KPNA2: variants seen among roughly 807,000 people sequenced by gnomAD.
KPNA2 encodes the protein importin subunit alpha-1.
In KPNA2, 20 loss-of-function variants were observed where a neutral mutation model predicts 53.7. The observed-to-expected ratio is 0.37, with a 90% confidence interval of 0.26 to 0.54. The LOEUF is 0.54. Ranked by LOEUF, KPNA2 falls within the 20% of genes least tolerant of loss-of-function variation. KPNA2 has a pLI of 0.83. For synonymous variants in KPNA2, 238 were observed against 227.5 expected (o/e 1.05, Z -0.42); for missense variants, 515 against 640.3 (o/e 0.80, Z 2.11).
chr17:68,038,046 C>T (rs1207226727), intron 3 of KPNA2, among the ~76,000 whole-genome samples: 5 of 152,016 alleles, frequency 3.3e-5, no homozygotes, highest in African/African-American at 9.7e-5. Flanking sequence ...GTGCGATCTC[C>T]GCTCACTGCA....
In KPNA2 at chr17:68,035,830, C is replaced by T. The variant is rs1187956979; in HGVS notation, c.-34C>T. Reference sequence around the variant, plus strand: ...CATCGCCTCCCGTGGAAGCCCAGGCCCGCTTCGCAGGTACAGACTCAGGCG... The same window carrying T: ...CATCGCCTCCCGTGGAAGCCCAGGCTCGCTTCGCAGGTACAGACTCAGGCG... On this transcript the variant is annotated 5_prime_UTR_variant, in exon 1 of 11. Transcript: ENST00000330459. 2 of 152,954 alleles carry T rather than the reference C, an allele frequency of 1.3e-5. No homozygotes were observed. The highest frequency in any genetic ancestry group is 2.4e-5 in the African/African-American group (1 of 41,472). 9.5% of individuals were successfully genotyped at this position (152,954 alleles called of 1,614,324 possible).
At chr17:68,036,330 C>T (rs2071189597) in intron 1 of KPNA2, 2 of 152,234 alleles carry the variant, frequency 1.3e-5, no homozygotes, top group African/African-American at 4.8e-5. Flanking sequence ...CTGAATGACG[C>T]ACAGCTGATG....
chr17:68,037,343 T>G lies in KPNA2; in HGVS notation c.76-15T>G, dbSNP rs2071202486. ...CTGGTGTGATAGGTGAAACGGCATG[T>G]TATCTTTTCTCAAGGAAATGAGGCG... On this transcript the variant is annotated splice_polypyrimidine_tract_variant and intron_variant, in intron 2 of 10. Coordinates refer to ENST00000330459, the MANE Select transcript of KPNA2 (RefSeq NM_002266.4). 13 of 1,608,692 alleles carry G rather than the reference T, an allele frequency of 8.1e-6. No homozygotes were observed. The highest frequency in any genetic ancestry group is 1.0e-5 in the Non-Finnish European group (12 of 1,178,224).
Position 68,044,129 on chromosome 17 carries a change from T to C in KPNA2, c.1164+58T>C, listed in dbSNP as rs1369090911. ...TTTAGTATTTATAGAAAGCTGTGCT[T>C]GATAAGCTTCTTCACGTGCAAGAAT... On this transcript the variant is annotated intron_variant, in intron 8 of 10. Coordinates refer to ENST00000330459, the MANE Select transcript of KPNA2 (RefSeq NM_002266.4). The C allele has an allele frequency of 2.1e-6, 3 of 1,448,944 alleles. No homozygotes were observed. In the East Asian group the frequency reaches 6.8e-5, roughly 33 times the overall value. 89.8% of individuals were successfully genotyped at this position (1,448,944 alleles called of 1,614,324 possible). A position where few individuals can be genotyped will look rare whatever the true frequency, so the allele number is the denominator to read the frequency against.
At chr17:68,040,789 T>C in intron 4 of KPNA2, 23 bp downstream of exon 4, 1 of 1,462,164 alleles carries the variant, frequency 6.8e-7, no homozygotes, top group Non-Finnish European at 9.4e-7. Context: ...TGCGATAGCA[T>C]GGGTAGCCTA....
rs190162269 is a variant in KPNA2, at chr17:68,037,594, C to T, written c.213+99C>T. The T allele has an allele frequency of 2.3e-4, 266 of 1,143,024 alleles. No individual in the cohort carries two copies. The African/African-American group carries it at 3.7e-3, about 16-fold the overall frequency. 70.8% of individuals were successfully genotyped at this position (1,143,024 alleles called of 1,614,324 possible). On this transcript the variant is annotated intron_variant, in intron 3 of 10. Coordinates refer to ENST00000330459, the MANE Select transcript of KPNA2 (RefSeq NM_002266.4). The stretch of plus-strand genomic sequence containing the variant: ...GTAAACTTAACATTTCTAGTCTTAA[C>T]GGTTTTAACTATCTGTGAACATCTT...
rs782745109 is a variant in KPNA2 at position 68,040,754 on chromosome 17, C to T, written c.290C>T (p.Thr97Ile). The change falls in exon 4 of 11, where the codon ACT becomes ATT. Residue 97 changes from threonine to isoleucine, a missense_variant. Coordinates refer to ENST00000330459, the MANE Select transcript of KPNA2 (RefSeq NM_002266.4). Reference protein sequence around the residue: ...SSNVENQLQATQAARKLLSRE... With the variant: ...SSNVENQLQAIQAARKLLSRE... The stretch of plus-strand genomic sequence containing the variant: ...AATGTGGAAAATCAGCTCCAAGCTA[C>T]TCAAGCTGCCAGGTAAGTCTTGTCT... The T allele has an allele frequency of 6.8e-6, 11 of 1,610,504 alleles. No individual in the cohort carries two copies. The Admixed American group carries it at 1.5e-4, about 22-fold the overall frequency.
At chr17:68,038,300 G>T (rs1441648610) in intron 3 of KPNA2, among the ~76,000 whole-genome samples, 1 of 152,128 alleles carries the variant, frequency 6.6e-6, no homozygotes, top group Non-Finnish European at 1.5e-5. Context: ...TAGAGGCGGG[G>T]TTTCACCATG....
At chr17:68,037,757 G>C (rs1555703983) in intron 3 of KPNA2, among the ~76,000 whole-genome samples, 4 of 151,578 alleles carry the variant, frequency 2.6e-5, no homozygotes, top group East Asian at 1.9e-4. Flanking sequence ...ACCTTGGCCT[G>C]ACCAGTGTGT....
chr17:68,045,893 G>A lies in KPNA2; in HGVS notation c.1469G>A (p.Ser490Asn), dbSNP rs782679009. ...ENESVYKASL[S>N]LIEKYFSVEE... Reference sequence around the variant, plus strand: ...GAGTCTGTGTATAAGGCTTCGTTAAGCTTAATTGAGAAGTATTTCTCTGTA... The same window carrying A: ...GAGTCTGTGTATAAGGCTTCGTTAAACTTAATTGAGAAGTATTTCTCTGTA... The change falls in exon 10 of 11, where the codon AGC becomes AAC. Residue 490 changes from serine to asparagine, a missense_variant. Physicochemically the swap from Ser to Asn is conservative, Grantham distance 46. Coordinates refer to ENST00000330459, the MANE Select transcript of KPNA2 (RefSeq NM_002266.4). 22 of 1,591,666 alleles carry A rather than the reference G, an allele frequency of 1.4e-5. No individual in the cohort carries two copies. In the Admixed American group the frequency reaches 1.6e-4, roughly 11 times the overall value.
rs377201326 is a variant in KPNA2, at chr17:68,044,311, T to C, written c.1165-10T>C. On this transcript the variant is annotated splice_polypyrimidine_tract_variant and intron_variant, in intron 8 of 10. Transcript: ENST00000330459. ...GTTCTGAAATAAAACCATTTCCTTA[T>C]GTTTAATAGGCAGATTTTAAGACAC... The C allele has an allele frequency of 1.6e-5, 25 of 1,602,192 alleles. No individual in the cohort carries two copies. The highest frequency in any genetic ancestry group is 5.4e-5 in the African/African-American group (4 of 74,302).
rs150762201 is a variant in KPNA2, at chr17:68,039,804, A to T, written c.214-874A>T. 4.7e-3 allele frequency among the ~76,000 whole-genome samples: 658 copies of T among 139,502 alleles called. 5 individuals are homozygous for T. The highest frequency in any genetic ancestry group is 0.017 in the African/African-American group (619 of 36,808). 91.5% of individuals were successfully genotyped at this position (139,502 alleles called of 152,430 possible). A position where few individuals can be genotyped will look rare whatever the true frequency, so the allele number is the denominator to read the frequency against. ...TCCAAAAAAAAAAGTCGGGCATGGT[A>T]GCTCATGCCTGTAATTCCAGCACTT... On this transcript the variant is annotated intron_variant, in intron 3 of 10. Coordinates refer to ENST00000330459, the MANE Select transcript of KPNA2 (RefSeq NM_002266.4).
intron 10 of KPNA2, 147 bp from the exon 11 acceptor site, chr17:68,046,357 C>T (rs1344459892): frequency 9.5e-6 from 5 of 527,684 alleles, no homozygotes; most frequent in African/African-American, 2.0e-5. Context: ...AGAGACCCTC[C>T]CTCCTCTATG....
At chr17:68,040,916 A>G (rs1313099652) in intron 4 of KPNA2, 150 bp downstream of exon 4, 11 of 555,204 alleles carry the variant, frequency 2.0e-5, no homozygotes, top group Non-Finnish European at 3.5e-5. Flanking sequence ...TTATTTATTA[A>G]TTTTTTTGAG....
chr17:68,039,424 C>T (rs1252456133), intron 3 of KPNA2, among the ~76,000 whole-genome samples: 1 of 151,652 alleles, frequency 6.6e-6, no homozygotes, highest in African/African-American at 2.4e-5. Flanking sequence ...CCCAGCCAAA[C>T]ATAAACCATT....
chr17:68,044,081 T>A lies in KPNA2; in HGVS notation c.1164+10T>A. On this transcript the variant is annotated intron_variant, in intron 8 of 10. Coordinates refer to ENST00000330459, the MANE Select transcript of KPNA2 (RefSeq NM_002266.4). ...CAGTGTTCTCTCTAAGGTAACGAAG[T>A]CTTAGGATTTAATCAAGTCATTTTT... 1 of 1,584,906 alleles carries A rather than the reference T, an allele frequency of 6.3e-7. No individual in the cohort carries two copies. Among genetic ancestry groups the A allele is most frequent in the Admixed American group, 1.7e-5 (1 of 59,926 alleles).
chr17:68,045,940 T>C lies in KPNA2; in HGVS notation c.1497+19T>C, dbSNP rs2071324497. 3 of 1,474,700 alleles carry C rather than the reference T, an allele frequency of 2.0e-6. No homozygotes were observed. Among genetic ancestry groups the C allele is most frequent in the Middle Eastern group, 1.8e-4 (1 of 5,558 alleles). The allele number at this position is 1,474,700 out of a possible 1,614,324, so 91.4% of individuals were successfully genotyped here. A position where few individuals can be genotyped will look rare whatever the true frequency, so the allele number is the denominator to read the frequency against. ...TGTAGAGGTGAGTAATGGATGGTAA[T>C]ATTAATAACAACTTGGAAACATAAA... On this transcript the variant is annotated intron_variant, in intron 10 of 10. Transcript: ENST00000330459.
chr17:68,039,761 G>A (rs1227955675), intron 3 of KPNA2, among the ~76,000 whole-genome samples: 1 of 139,296 alleles, frequency 7.2e-6, no homozygotes, highest in African/African-American at 2.7e-5. Flanking sequence ...GCCTGGGCAA[G>A]AAGAGCAAAA....
In KPNA2 at chr17:68,043,163, C is replaced by A. The variant is rs146139322; in HGVS notation, c.730C>A (p.Pro244Thr). The A allele has an allele frequency of 4.9e-4, 789 of 1,614,092 alleles. No individual in the cohort carries two copies. Among genetic ancestry groups the A allele is most frequent in the Non-Finnish European group, 5.9e-4 (702 of 1,179,984 alleles). ...TCTTTGCCGCAACAAGAATCCTGCA[C>A]CCCCGATAGATGCTGTTGAGCAGAT... Reference protein sequence around the residue: ...SNLCRNKNPAPPIDAVEQILP... With the variant: ...SNLCRNKNPATPIDAVEQILP... The change falls in exon 7 of 11, where the codon CCC becomes ACC. Residue 244 changes from proline (P) to threonine (T), a missense_variant. Pro to Thr is a conservative substitution (Grantham distance 38). Transcript: ENST00000330459.
Sources: allele counts gnomAD v4.1 joint callset (sites outside exome capture counted in the v4.1 genomes callset), GRCh38; gene constraint gnomAD v4.1.1; transcripts MANE v1.5; gene names NCBI Gene and HGNC (gene_info 2026-07-23, HGNC 2026-07-21).